The following PEAK1 variants were observed in gnomAD, a reference collection of about 807,000 sequenced individuals.
The protein encoded by PEAK1 is pseudopodium enriched atypical kinase 1.
PEAK1 carries 54 observed loss-of-function variants against 124.7 expected under a neutral mutation model. The ratio of observed to expected loss-of-function variants is 0.43; its 90% CI spans 0.35 to 0.54. The LOEUF is 0.54. PEAK1 is among the 20% of genes least tolerant of loss of function. The probability of loss-of-function intolerance (pLI) is 0.01; values close to 1 mark genes in which losing one functional copy is unlikely to be tolerated. For synonymous variants in PEAK1, 719 were observed against 760.0 expected (o/e 0.95, Z 0.89); for missense variants, 2,046 against 2,134.5 (o/e 0.96, Z 0.82).
At chr15:77,376,767 CAAAG>C (rs1470341689) in intron 1 of PEAK1, among the ~76,000 whole-genome samples, 1 of 152,162 alleles carries the variant, frequency 6.6e-6, no homozygotes, top group Non-Finnish European at 1.5e-5. Flanking sequence ...GCATCCTTCA[CAAAG>C]ATTGTTCCAT....
chr15:77,163,829 G>A (rs1348153871), intron 7 of PEAK1, among the ~76,000 whole-genome samples: 2 of 152,036 alleles, frequency 1.3e-5, no homozygotes, highest in South Asian at 2.1e-4. Flanking sequence ...AGTTGCCCAC[G>A]ACAGCCAATA....
At position 77,215,408 on chromosome 15, in the gene PEAK1, G is replaced by A. The variant is rs144051818; in HGVS notation, c.-114-33368C>T. ...TAGCTATCCCTCAGTGTCTCTGGGT[G>A]ATTGGTTCTGGGACCCCTGAGGATG... On this transcript the variant is annotated intron_variant, in intron 6 of 9. Transcript: ENST00000682557. 3.7e-3 allele frequency among the ~76,000 whole-genome samples: 565 copies of A among 152,308 alleles called. 5 individuals are homozygous for A. Among genetic ancestry groups the A allele is most frequent in the African/African-American group, 0.012 (515 of 41,576 alleles).
chr15:77,242,121 A>G lies in PEAK1; in HGVS notation c.-115+10246T>C, dbSNP rs144893064. On this transcript the variant is annotated intron_variant, in intron 6 of 9. Transcript: ENST00000682557. ...GTATGTTCCATATTTCTCTATTATA[A>G]ACAGGGTTTAGTAAATATTCTCCTA... is the stretch of plus-strand genomic sequence containing the variant. Among the ~76,000 whole-genome samples, 46 of 152,178 alleles carry G rather than the reference A, an allele frequency of 3.0e-4. No individual in the cohort carries two copies. The East Asian group carries it at 7.7e-3, about 26-fold the overall frequency.
At chr15:77,207,479 T>C (rs1330731660) in intron 6 of PEAK1, among the ~76,000 whole-genome samples, 5 of 152,016 alleles carry the variant, frequency 3.3e-5, no homozygotes, top group African/African-American at 9.7e-5. Flanking sequence ...ACAAATACTA[T>C]CTAATGACAA....
intron 2 of PEAK1, among the ~76,000 whole-genome samples, chr15:77,328,225 T>C (rs1205031817): frequency 6.6e-6 from 1 of 152,182 alleles, no homozygotes; most frequent in African/African-American, 2.4e-5. Flanking sequence ...CTACCTTATA[T>C]AGTTGTGAGG....
intron 2 of PEAK1, among the ~76,000 whole-genome samples, chr15:77,353,448 A>G (rs1354275816): frequency 1.3e-5 from 2 of 152,224 alleles, no homozygotes; most frequent in East Asian, 1.9e-4. Context: ...TGGGTGGTGG[A>G]CCGAAGCTGG....
chr15:77,412,726 C>G (rs1031158258), intron 1 of PEAK1, among the ~76,000 whole-genome samples: 5 of 151,898 alleles, frequency 3.3e-5, no homozygotes, highest in African/African-American at 1.2e-4. Flanking sequence ...AAATATCATC[C>G]TCCAATGAAA....
At chr15:77,252,267 G>C (rs781143090) in intron 6 of PEAK1, 100 bp downstream of exon 6, 40 of 642,802 alleles carry the variant, frequency 6.2e-5, no homozygotes, top group South Asian at 5.6e-4. Context: ...TTTATCTATA[G>C]TTTGGCATTT....
At chr15:77,322,650 C>T (rs1178571001) in intron 2 of PEAK1, among the ~76,000 whole-genome samples, 1 of 151,868 alleles carries the variant, frequency 6.6e-6, no homozygotes, top group Non-Finnish European at 1.5e-5. Context: ...GCTTACCAAC[C>T]AAAAAAAGTC....
intron 6 of PEAK1, among the ~76,000 whole-genome samples, chr15:77,229,190 T>C: frequency 6.6e-6 from 1 of 152,000 alleles, no homozygotes; most frequent in Non-Finnish European, 1.5e-5. Flanking sequence ...AGATATACCT[T>C]TCTTAAGGCC....
intron 6 of PEAK1, among the ~76,000 whole-genome samples, chr15:77,201,489 C>T (rs752974251): frequency 6.6e-6 from 1 of 152,044 alleles, no homozygotes; most frequent in Non-Finnish European, 1.5e-5. Flanking sequence ...CCTCCTGCCT[C>T]GGCCTCCCAA....
At chr15:77,375,593 T>C (rs747622939) in intron 1 of PEAK1, among the ~76,000 whole-genome samples, 2 of 152,208 alleles carry the variant, frequency 1.3e-5, no homozygotes, top group African/African-American at 4.8e-5. Context: ...TTAAGAGCTA[T>C]CACAAAATTC....
chr15:77,365,541 C>T (rs1230268355), intron 1 of PEAK1, among the ~76,000 whole-genome samples: 1 of 152,088 alleles, frequency 6.6e-6, no homozygotes, highest in Non-Finnish European at 1.5e-5. Context: ...TGTTTGAGAG[C>T]AACCTGGCCA....
At chr15:77,240,801 T>C (rs1299531765) in intron 6 of PEAK1, among the ~76,000 whole-genome samples, 3 of 152,136 alleles carry the variant, frequency 2.0e-5, no homozygotes, top group African/African-American at 7.2e-5. Flanking sequence ...ATAGTAAGTC[T>C]GACACTAATC....
chr15:77,217,201 T>A (rs1225667880), intron 6 of PEAK1, among the ~76,000 whole-genome samples: 1 of 118,640 alleles, frequency 8.4e-6, no homozygotes, highest in Non-Finnish European at 1.6e-5. Flanking sequence ...CCAGCCTGGG[T>A]GACCAAGAGA....
intron 1 of PEAK1, among the ~76,000 whole-genome samples, chr15:77,412,754 G>A (rs2072517793): frequency 6.6e-6 from 1 of 151,952 alleles, no homozygotes; most frequent in African/African-American, 2.4e-5. Flanking sequence ...AGGTTCCTTA[G>A]AGAAATAATT....
chr15:77,129,678 T>C (rs1052626707), intron 9 of PEAK1, among the ~76,000 whole-genome samples: 7 of 151,400 alleles, frequency 4.6e-5, no homozygotes, highest in African/African-American at 1.7e-4. Context: ...TCTCCTGATC[T>C]CAGGTGATCC....
At chr15:77,196,624 A>G (rs2058116161) in intron 6 of PEAK1, among the ~76,000 whole-genome samples, 1 of 152,182 alleles carries the variant, frequency 6.6e-6, no homozygotes. Context: ...TGACACATGC[A>G]TGTTAACTGG....
Position 77,339,168 on chromosome 15 carries a change from T to TA in PEAK1, c.-603+25994dup, listed in dbSNP as rs1004582359. On this transcript the variant is annotated intron_variant, in intron 2 of 9. Transcript: ENST00000682557. ...TTATGTCGCCCAGGCTTGAGTATGGTACTGCAATCATGCCTCACTGCAGCC... is the reference window on the plus strand; with the variant it reads ...TTATGTCGCCCAGGCTTGAGTATGGTAACTGCAATCATGCCTCACTGCAGCC... Among the ~76,000 whole-genome samples the TA allele has an allele frequency of 4.0e-5, 6 of 151,734 alleles. No homozygotes were observed. The East Asian group carries it at 1.2e-3, about 29-fold the overall frequency.
Sources: gnomAD v4.1 joint callset for allele counts (sites outside exome capture counted in the v4.1 genomes callset) on GRCh38, gnomAD v4.1.1 for gene constraint, MANE v1.5 for transcripts, NCBI Gene and HGNC (gene_info 2026-07-23, HGNC 2026-07-21) for gene names.